CILK1: variants seen among roughly 807,000 people sequenced by gnomAD.
The protein encoded by CILK1 is ciliogenesis associated kinase 1, also known as serine/threonine-protein kinase ICK.
CILK1 carries 47 observed loss-of-function variants against 79.2 expected under a neutral mutation model. That is an observed-to-expected ratio of 0.59 (90% CI 0.47 to 0.76). The LOEUF (loss-of-function observed/expected upper bound fraction) is 0.76. CILK1 is among the 30% of genes least tolerant of loss of function. CILK1 has a pLI of 0.00. For missense variants in CILK1, 660 were observed against 769.5 expected, an observed-to-expected ratio of 0.86 and a Z score of 1.68; for synonymous variants, 266 against 275.9, an observed-to-expected ratio of 0.96 and a Z score of 0.36.
chr6:53,011,165 T>C (rs1764546796), intron 11 of CILK1, among the ~76,000 whole-genome samples: 1 of 152,174 alleles, frequency 6.6e-6, no homozygotes, highest in Non-Finnish European at 1.5e-5. Flanking sequence ...GTTTCCCTAT[T>C]GGCCATTTCC....
chr6:53,018,315 G>A lies in CILK1; in HGVS notation c.663+15C>T. 1.9e-6 allele frequency: 3 copies of A among 1,613,694 alleles called. 1 individual carries two copies. The African/African-American group carries it at 4.0e-5, about 22-fold the overall frequency. Reference sequence around the variant, plus strand: ...TGTTGGCTTTGGCCCACTGGCCTTTGTTTTGTATCATTACCTTTTTTGGTG... The same window carrying A: ...TGTTGGCTTTGGCCCACTGGCCTTTATTTTGTATCATTACCTTTTTTGGTG... On this transcript the variant is annotated intron_variant, in intron 7 of 13. Transcript: ENST00000676107.
intron 2 of CILK1, among the ~76,000 whole-genome samples, chr6:53,038,909 T>C (rs1336183545): frequency 6.6e-6 from 1 of 152,246 alleles, no homozygotes; most frequent in Non-Finnish European, 1.5e-5. Context: ...TTCAAGGTTA[T>C]ATTTTTCAGT....
chr6:53,054,076 C>T (rs182714603), intron 1 of CILK1, among the ~76,000 whole-genome samples: 2 of 152,328 alleles, frequency 1.3e-5, no homozygotes, highest in South Asian at 2.1e-4. Flanking sequence ...ACCGAAGGAC[C>T]CTGTATGCTA....
At chr6:53,043,025 T>C (rs1470496673) in intron 1 of CILK1, among the ~76,000 whole-genome samples, 1 of 152,110 alleles carries the variant, frequency 6.6e-6, no homozygotes, top group East Asian at 1.9e-4. Context: ...GATTAAAAAT[T>C]TAAAAATAGG....
chr6:53,014,020 C>A (rs954660080), intron 8 of CILK1, 38 bp from the exon 9 acceptor site: 32 of 1,523,816 alleles, frequency 2.1e-5, no homozygotes, highest in Non-Finnish European at 2.9e-5. Flanking sequence ...AAAAGTCTAG[C>A]CAGGAAAGTT....
At chr6:53,018,605 T>G (rs1765035540) in intron 6 of CILK1, 104 bp from the exon 7 acceptor site, 2 of 1,145,892 alleles carry the variant, frequency 1.7e-6, no homozygotes, top group Non-Finnish European at 2.5e-6. Flanking sequence ...TCCTATTTTC[T>G]CTCTAGTTCA....
intron 1 of CILK1, among the ~76,000 whole-genome samples, chr6:53,048,388 GCTTT>G (rs1473394688): frequency 1.3e-5 from 2 of 152,128 alleles, no homozygotes; most frequent in Non-Finnish European, 2.9e-5. Context: ...CACTCTTTGA[GCTTT>G]CTATTATTCA....
At chr6:53,033,461 A>G (rs1469374929) in intron 3 of CILK1, among the ~76,000 whole-genome samples, 1 of 152,144 alleles carries the variant, frequency 6.6e-6, no homozygotes, top group African/African-American at 2.4e-5. Context: ...TTGATAGTGA[A>G]CAAATCAATT....
chr6:53,004,268 T>G lies in CILK1; in HGVS notation c.*881A>C, dbSNP rs1392305237. 6.6e-6 allele frequency: 1 copy of G among 152,328 alleles called. No individual in the cohort carries two copies. Among genetic ancestry groups the G allele is most frequent in the African/African-American group, 2.4e-5 (1 of 41,446 alleles). 9.4% of individuals were successfully genotyped at this position (152,328 alleles called of 1,614,324 possible). A position where few individuals can be genotyped will look rare whatever the true frequency, so the allele number is the denominator to read the frequency against. On this transcript the variant is annotated 3_prime_UTR_variant, in exon 14 of 14. Transcript: ENST00000676107. ...ACCTTCTGCTGCTTTGATACTTAGT[T>G]TTTTGGCCATGCATCTTGGCAGGAA...
intron 1 of CILK1, among the ~76,000 whole-genome samples, chr6:53,052,493 G>A (rs1007782248): frequency 6.6e-6 from 1 of 152,090 alleles, no homozygotes; most frequent in Non-Finnish European, 1.5e-5. Context: ...AACACTTTGG[G>A]AGGCCAAGGG....
At position 53,039,799 on chromosome 6, in the gene CILK1, G is replaced by T. The variant is rs1192818144; in HGVS notation, c.101+1337C>A. On this transcript the variant is annotated intron_variant, in intron 2 of 13. Coordinates refer to ENST00000676107, the MANE Select transcript of CILK1 (RefSeq NM_014920.5). ...CCCTTTGGTCTGATATGAATAGGGG[G>T]AAAAAAGCCAGGAGCCCTAGTGGCG... 2.0e-5 allele frequency among the ~76,000 whole-genome samples: 3 copies of T among 152,180 alleles called. No homozygotes were observed. The East Asian group carries it at 5.8e-4, about 29-fold the overall frequency.
chr6:53,038,041 G>GT (rs772959926), intron 2 of CILK1, 48 bp from the exon 3 acceptor site: 1 of 1,305,584 alleles, frequency 7.7e-7, no homozygotes, highest in Admixed American at 1.7e-5. Context: ...TCAGTAATAG[G>GT]TTAAACTTTG....
In CILK1 at chr6:53,011,827, C is replaced by T. The variant is rs563467548; in HGVS notation, c.1434G>A (p.Thr478=). 4.5e-5 allele frequency: 73 copies of T among 1,614,030 alleles called. No homozygotes were observed. In the South Asian group the frequency reaches 4.7e-4, roughly 10 times the overall value. ...PTQTSYQRRD[T]PTLRSAAKQH... is the part of the protein sequence containing the mutation. ...GCTTGGCTGCAGATCTCAGGGTGGG[C>T]GTGTCTCGCCGCTGATATGACGTCT... The change falls in exon 11 of 14, where the codon ACG becomes ACA. Residue 478 remains threonine, a synonymous_variant. Transcript: ENST00000676107.
intron 5 of CILK1, among the ~76,000 whole-genome samples, chr6:53,028,272 C>T (rs1031932629): frequency 1.1e-4 from 16 of 152,160 alleles, no homozygotes; most frequent in African/African-American, 3.6e-4. Flanking sequence ...GCCGAGACTG[C>T]GTGACTGCAC....
intron 1 of CILK1, among the ~76,000 whole-genome samples, chr6:53,043,222 A>C (rs1240974579): frequency 6.6e-6 from 1 of 152,062 alleles, no homozygotes; most frequent in Non-Finnish European, 1.5e-5. Context: ...AGGCTGGGGC[A>C]GGAGAATCGC....
In CILK1 at chr6:53,002,480, G is replaced by C. The variant is rs1026672634; in HGVS notation, c.*2669C>G. 2 of 152,164 alleles carry C rather than the reference G, an allele frequency of 1.3e-5. No individual in the cohort carries two copies. Among genetic ancestry groups the C allele is most frequent in the Non-Finnish European group, 2.9e-5 (2 of 68,026 alleles). 9.4% of individuals were successfully genotyped at this position (152,164 alleles called of 1,614,324 possible). ...AAATAGAGGTAACAAGTAGCATTTT[G>C]TTTTCATGTAACAAGAAATGGCTGC... On this transcript the variant is annotated 3_prime_UTR_variant, in exon 14 of 14. Coordinates refer to ENST00000676107, the MANE Select transcript of CILK1 (RefSeq NM_014920.5).
intron 6 of CILK1, among the ~76,000 whole-genome samples, chr6:53,018,828 G>T (rs1765048104): frequency 6.6e-6 from 1 of 152,100 alleles, no homozygotes; most frequent in South Asian, 2.1e-4. Context: ...GGAAGAGGGA[G>T]GAAAAAACCT....
Position 53,004,742 on chromosome 6 carries a change from C to A in CILK1, c.*407G>T, listed in dbSNP as rs1053458861. 1 of 194,650 alleles carries A rather than the reference C, an allele frequency of 5.1e-6. No individual in the cohort carries two copies. Among genetic ancestry groups the A allele is most frequent in the African/African-American group, 2.4e-5 (1 of 41,888 alleles). 12.1% of individuals were successfully genotyped at this position (194,650 alleles called of 1,614,324 possible). A position where few individuals can be genotyped will look rare whatever the true frequency, so the allele number is the denominator to read the frequency against. ...CTCTATCACATAGCCTTAAATTGCACCCCTGTTGCAATACTGCATTAATAT... is the reference window on the plus strand; with the variant it reads ...CTCTATCACATAGCCTTAAATTGCAACCCTGTTGCAATACTGCATTAATAT... On this transcript the variant is annotated 3_prime_UTR_variant, in exon 14 of 14. Transcript: ENST00000676107.
chr6:53,019,048 G>C (rs1013986024), intron 6 of CILK1, among the ~76,000 whole-genome samples, 179 bp downstream of exon 6: 8 of 152,128 alleles, frequency 5.3e-5, no homozygotes, highest in African/African-American at 1.9e-4. Context: ...CTTTTAACAT[G>C]ATTTAGAACA....
Sources: allele counts gnomAD v4.1 joint callset (sites outside exome capture counted in the v4.1 genomes callset), GRCh38; gene constraint gnomAD v4.1.1; transcripts MANE v1.5; gene names NCBI Gene and HGNC (gene_info 2026-07-23, HGNC 2026-07-21).